Variants in C3 observed in about 807,000 individuals in gnomAD.
C3 encodes complement C3.
Under a neutral mutation model 207.9 loss-of-function variants are expected in C3, and 97 were observed. That is an observed-to-expected ratio of 0.47 (90% CI 0.40 to 0.55). The LOEUF is 0.55. C3 is among the 20% of genes least tolerant of loss of function. The pLI is 0.00. For synonymous variants in C3, 848 were observed against 857.6 expected, an observed-to-expected ratio of 0.99 and a Z score of 0.20; for missense variants, 1,684 against 2,171.7, an observed-to-expected ratio of 0.78 and a Z score of 4.46.
rs2145430033 is a variant in C3, at chr19:6,712,628, G to A, written c.1004-5C>T. On this transcript the variant is annotated splice_polypyrimidine_tract_variant and splice_region_variant and intron_variant, in intron 9 of 40. Transcript: ENST00000245907. The stretch of plus-strand genomic sequence containing the variant: ...CTGCCTGCACCATGTCACTGCCTGA[G>A]GGGACCAGCTGTGAGTGTAGGCTTC... The A allele has an allele frequency of 6.2e-7, 1 of 1,612,474 alleles. No individual in the cohort carries two copies. Among genetic ancestry groups the A allele is most frequent in the Non-Finnish European group, 8.5e-7 (1 of 1,178,536 alleles).
intron 33 of C3, chr19:6,684,157 T>C: frequency 1.6e-6 from 1 of 612,100 alleles, no homozygotes; most frequent in Non-Finnish European, 2.9e-6. Flanking sequence ...CTTTCCTCCA[T>C]TGATTACTAA....
chr19:6,684,988 C>T lies in C3; in HGVS notation c.3969G>A (p.Glu1323=). The change falls in exon 30 of 41, where the codon GAG becomes GAA. Residue 1323 remains glutamate (E), a splice_region_variant and synonymous_variant. Transcript: ENST00000245907. ...WESASLLRSE[E]TKENEGFTVT... is the part of the protein sequence containing the mutation. ...GGAGGGCTTGGCTGGGTGACTGTAC[C>T]TCTTCTGATCGCAGGAGGCTGGCAG... is the stretch of plus-strand genomic sequence containing the variant. 1.2e-6 allele frequency: 2 copies of T among 1,613,434 alleles called. No homozygotes were observed. Among genetic ancestry groups the T allele is most frequent in the Non-Finnish European group, 1.7e-6 (2 of 1,179,922 alleles).
rs1918257365 is a variant in C3 at position 6,694,495 on chromosome 19, T to G, written c.3090A>C (p.Glu1030Asp). Residue 1030 changes from glutamate (E) to aspartate (D), a missense_variant, in exon 24 of 41, where the codon GAA becomes GAC. By Grantham distance (45) the Glu-to-Asp change is conservative. Coordinates refer to ENST00000245907, the MANE Select transcript of C3 (RefSeq NM_000064.4). ...GGCCGAACTTCTCCCACTGCTCCGT[T>G]TCATCCAGGTAATGCACAGCGATGA... ...PTVIAVHYLD[E>D]TEQWEKFGLE... The G allele has an allele frequency of 1.2e-6, 2 of 1,614,144 alleles. No homozygotes were observed. The highest frequency in any genetic ancestry group is 1.7e-6 in the Non-Finnish European group (2 of 1,180,000).
At chr19:6,704,997 C>T (rs556355738) in intron 17 of C3, among the ~76,000 whole-genome samples, 1 of 152,226 alleles carries the variant, frequency 6.6e-6, no homozygotes, top group East Asian at 1.9e-4. Context: ...CCTCAGCCTC[C>T]CAAAGTGCTG....
At chr19:6,685,327 C>T (rs1016671077) in intron 29 of C3, among the ~76,000 whole-genome samples, 181 bp from the exon 30 acceptor site, 2 of 152,048 alleles carry the variant, frequency 1.3e-5, no homozygotes, top group Non-Finnish European at 2.9e-5. Flanking sequence ...CAGAACTCTC[C>T]GAGAGACAGA....
intron 23 of C3, among the ~76,000 whole-genome samples, chr19:6,695,468 TTTTG>T (rs913245068): frequency 8.5e-5 from 13 of 152,124 alleles, no homozygotes; most frequent in South Asian, 2.1e-4. Context: ...TTGCTTGTCT[TTTTG>T]TTTGTTTGTT....
chr19:6,678,310 G>A, intron 39 of C3, 23 bp from the exon 40 acceptor site: 1 of 1,614,176 alleles, frequency 6.2e-7, no homozygotes, highest in Non-Finnish European at 8.5e-7. Flanking sequence ...GGAGAGGGAA[G>A]AAGCTGAGTC....
intron 18 of C3, 68 bp from the exon 19 acceptor site, chr19:6,702,280 T>C: frequency 9.0e-7 from 1 of 1,106,830 alleles, no homozygotes; most frequent in Admixed American, 1.7e-5. Flanking sequence ...GAAGAACTGG[T>C]GCAGAGGGAC....
In C3 at chr19:6,700,551, ATAATATATG is replaced by A. The variant is rs1288680434; in HGVS notation, c.2440+1567_2440+1575del. On this transcript the variant is annotated intron_variant, in intron 19 of 40. Coordinates refer to ENST00000245907, the MANE Select transcript of C3 (RefSeq NM_000064.4). ...ATATGATATATTATATATGTAATATATAATATATGTAATATATGATATATTATATATGTA... is the reference window on the plus strand; with the variant it reads ...ATATGATATATTATATATGTAATATATAATATATGATATATTATATATGTA... 1.5e-3 allele frequency among the ~76,000 whole-genome samples: 45 copies of A among 30,370 alleles called. 14 individuals are homozygous for A. The highest frequency in any genetic ancestry group is 0.091 in the Middle Eastern group (2 of 22). 19.9% of individuals were successfully genotyped at this position (30,370 alleles called of 152,430 possible). A position where few individuals can be genotyped will look rare whatever the true frequency, so the allele number is the denominator to read the frequency against.
At position 6,720,611 on chromosome 19, in the gene C3, C is replaced by T. The variant is rs1968142031; in HGVS notation, c.-22G>A. On this transcript the variant is annotated 5_prime_UTR_variant, in exon 1 of 41. Transcript: ENST00000245907. The stretch of plus-strand genomic sequence containing the variant: ...CCATGGTGCTGGGACAGTGCAGGGT[C>T]AGAGGGACAGAGGGACAGAGGGAGA... The T allele has an allele frequency of 6.7e-7, 1 of 1,488,690 alleles. No individual in the cohort carries two copies. The highest frequency in any genetic ancestry group is 2.4e-5 in the East Asian group (1 of 41,346). 92.2% of individuals were successfully genotyped at this position (1,488,690 alleles called of 1,614,324 possible).
intron 4 of C3, chr19:6,717,777 ATTGTGTTGTGTG>A (rs1016263968): frequency 8.9e-5 from 42 of 472,028 alleles, no homozygotes; most frequent in African/African-American, 8.5e-4. Flanking sequence ...TGCTGTGTGT[ATTGTGTTGTGTG>A]TTGTGTTGTG....
At position 6,718,117 on chromosome 19, in the gene C3, G is replaced by C. The variant is rs776423109; in HGVS notation, c.481C>G (p.Arg161Gly). 6.2e-7 allele frequency: 1 copy of C among 1,614,136 alleles called. No homozygotes were observed. Among genetic ancestry groups the C allele is most frequent in the Admixed American group, 1.7e-5 (1 of 60,014 alleles). Residue 161 changes from arginine (R) to glycine (G), a missense_variant, in exon 4 of 41, where the codon CGG becomes GGG. Arg to Gly is a moderately radical substitution (Grantham distance 125). Around this residue, in one of 3 missense-constraint regions of C3, gnomAD observed 1,280 missense variants for 1,739.1 expected, o/e 0.74. Transcript: ENST00000245907. The part of the protein sequence containing the change: ...TVNHKLLPVG[R>G]TVMVNIENPE... ...ACCTCAATGTTGACCATGACCGTCC[G>C]GCCCACGGGTAGCAGCTTGTGGTTG...
Position 6,712,514 on chromosome 19 carries a change from G to A in C3, c.1113C>T (p.Asp371=), listed in dbSNP as rs774230174. The change falls in exon 10 of 41, where the codon GAC becomes GAT. Residue 371 remains aspartate, a synonymous_variant. Transcript: ENST00000245907. ...TTCCCGCCCCGGGTCTCACCATGAG[G>A]TCAAAGGGCATTCCTGGTTTGAAGT... is the stretch of plus-strand genomic sequence containing the variant. ...PKYFKPGMPF[D]LMVFVTNPDG... is the part of the protein sequence containing the mutation. 6.2e-7 allele frequency: 1 copy of A among 1,614,124 alleles called. No homozygotes were observed. Among genetic ancestry groups the A allele is most frequent in the South Asian group, 1.1e-5 (1 of 91,086 alleles).
intron 13 of C3, among the ~76,000 whole-genome samples, chr19:6,710,115 GA>G (rs1437863719): frequency 3.4e-5 from 5 of 146,440 alleles, no homozygotes; most frequent in Admixed American, 1.4e-4. Flanking sequence ...GAGGGAGAGT[GA>G]GGGGGGAGAG....
chr19:6,697,799 T>G lies in C3; in HGVS notation c.2441-5A>C. 6.2e-7 allele frequency: 1 copy of G among 1,611,924 alleles called. No individual in the cohort carries two copies. Among genetic ancestry groups the G allele is most frequent in the Non-Finnish European group, 8.5e-7 (1 of 1,179,460 alleles). ...AGGGGTCTGCCACACAGATCCCTGCTCGGGCAGAGACAGAACACGGAGTGT... is the reference window on the plus strand; with the variant it reads ...AGGGGTCTGCCACACAGATCCCTGCGCGGGCAGAGACAGAACACGGAGTGT... On this transcript the variant is annotated splice_polypyrimidine_tract_variant and splice_region_variant and intron_variant, in intron 19 of 40. Coordinates refer to ENST00000245907, the MANE Select transcript of C3 (RefSeq NM_000064.4).
rs778462251 is a variant in C3, at chr19:6,694,412, A to G, written c.3154+19T>C. 4 of 1,612,590 alleles carry G rather than the reference A, an allele frequency of 2.5e-6. No homozygotes were observed. In the Admixed American group the frequency reaches 6.7e-5, roughly 27 times the overall value. ...CGGAAAGGGGTCCCTGGGGTCTCCAAGAGGGGCAGGGAGCCCACCCTTCTT... is the reference window on the plus strand; with the variant it reads ...CGGAAAGGGGTCCCTGGGGTCTCCAGGAGGGGCAGGGAGCCCACCCTTCTT... On this transcript the variant is annotated intron_variant, in intron 24 of 40. Transcript: ENST00000245907.
intron 14 of C3, 110 bp from the exon 15 acceptor site, chr19:6,708,039 C>T (rs993585548): frequency 4.8e-6 from 6 of 1,245,752 alleles, no homozygotes; most frequent in Non-Finnish European, 5.8e-6. Flanking sequence ...CTGTCCCACT[C>T]TCATCTCCCC....
At chr19:6,686,954 TAGTA>T (rs1352102015) in intron 27 of C3, 52 bp from the exon 28 acceptor site, 3 of 1,576,210 alleles carry the variant, frequency 1.9e-6, no homozygotes, top group African/African-American at 1.3e-5. Context: ...GCTGTCACGT[TAGTA>T]AGGATCATTC....
chr19:6,701,826 T>A (rs543285239), intron 19 of C3, among the ~76,000 whole-genome samples: 2 of 152,234 alleles, frequency 1.3e-5, no homozygotes, highest in African/African-American at 4.8e-5. Flanking sequence ...AGGCTGGCCC[T>A]GTCTCTTTAA....
Sources: allele counts gnomAD v4.1 joint callset (sites outside exome capture counted in the v4.1 genomes callset), GRCh38; gene constraint gnomAD v4.1.1; regional missense constraint gnomAD v4.1.1; transcripts MANE v1.5; gene names NCBI Gene and HGNC (gene_info 2026-07-23, HGNC 2026-07-21).